SWAP70: variants seen among roughly 807,000 people sequenced by gnomAD.
The protein encoded by SWAP70 is switching B cell complex subunit SWAP70.
A neutral mutation model predicts 80.2 loss-of-function variants in SWAP70; 34 were observed. The observed-to-expected ratio is 0.42, with a 90% CI of 0.32 to 0.56. SWAP70 has a LOEUF of 0.56. SWAP70 is among the 20% of genes least tolerant of loss of function. The pLI is 0.09. For missense variants in SWAP70, 578 were observed against 690.7 expected, an observed-to-expected ratio of 0.84 and a Z score of 1.83; for synonymous variants, 239 against 238.5, an observed-to-expected ratio of 1.00 and a Z score of -0.02.
chr11:9,722,669 TG>T (rs942305860), intron 3 of SWAP70, among the ~76,000 whole-genome samples: 1 of 151,610 alleles, frequency 6.6e-6, no homozygotes, highest in African/African-American at 2.4e-5. Context: ...GGTCGAGAGG[TG>T]GGAAAAGGTA....
intron 9 of SWAP70, among the ~76,000 whole-genome samples, chr11:9,747,547 A>C (rs926869844): frequency 6.6e-6 from 1 of 152,224 alleles, no homozygotes; most frequent in Non-Finnish European, 1.5e-5. Context: ...CAGCACCTAA[A>C]TTTACTGTGA....
intron 4 of SWAP70, among the ~76,000 whole-genome samples, chr11:9,727,828 G>A (rs563804048): frequency 7.2e-5 from 11 of 152,288 alleles, no homozygotes; most frequent in Middle Eastern, 3.4e-3. Context: ...TTGGGGAGGG[G>A]TTGTCTCTGA....
chr11:9,704,600 T>C (rs1201565110), intron 2 of SWAP70, among the ~76,000 whole-genome samples: 1 of 151,686 alleles, frequency 6.6e-6, no homozygotes, highest in East Asian at 1.9e-4. Context: ...ACCATGTTGG[T>C]CAGGCTGGTC....
chr11:9,752,107 G>A lies in SWAP70; in HGVS notation c.*2137G>A, dbSNP rs1851598635. The stretch of plus-strand genomic sequence containing the variant: ...CTAATCACCTCTGTGAAATCTATGG[G>A]ATGGAAACAGTGTGGCCTTAGGAGT... On this transcript the variant is annotated 3_prime_UTR_variant, in exon 12 of 12. Transcript: ENST00000318950. The A allele has an allele frequency of 6.6e-6, 1 of 152,362 alleles. No individual in the cohort carries two copies. Among genetic ancestry groups the A allele is most frequent in the Middle Eastern group, 3.4e-3 (1 of 294 alleles). The allele number at this position is 152,362 out of a possible 1,614,324, so 9.4% of individuals were successfully genotyped here.
chr11:9,715,046 C>T (rs1565124571), intron 3 of SWAP70, among the ~76,000 whole-genome samples: 3 of 148,502 alleles, frequency 2.0e-5, no homozygotes, highest in South Asian at 4.3e-4. Context: ...GCAATCATGG[C>T]TCACTGCAGC....
chr11:9,690,261 T>C (rs1185565722), intron 1 of SWAP70, among the ~76,000 whole-genome samples: 1 of 152,212 alleles, frequency 6.6e-6, no homozygotes, highest in Non-Finnish European at 1.5e-5. Context: ...TCAAAAATTT[T>C]ATTTCTTGTA....
At chr11:9,741,079 G>C (rs1851431878) in intron 9 of SWAP70, 1 of 152,454 alleles carries the variant, frequency 6.6e-6, no homozygotes, top group Non-Finnish European at 1.5e-5. Context: ...TACAGTAGCA[G>C]CACAGGGTCC....
intron 1 of SWAP70, among the ~76,000 whole-genome samples, chr11:9,668,657 G>C (rs1220852008): frequency 1.3e-5 from 2 of 152,088 alleles, no homozygotes; most frequent in Non-Finnish European, 2.9e-5. Flanking sequence ...GTATTTTTAG[G>C]CTCTTAAGAG....
intron 1 of SWAP70, among the ~76,000 whole-genome samples, chr11:9,693,331 A>C (rs896534924): frequency 6.6e-6 from 1 of 152,210 alleles, no homozygotes; most frequent in Non-Finnish European, 1.5e-5. Flanking sequence ...GGTAGCCCAC[A>C]CTGCTCATTT....
At chr11:9,716,036 G>C (rs1851061993) in intron 3 of SWAP70, among the ~76,000 whole-genome samples, 1 of 152,184 alleles carries the variant, frequency 6.6e-6, no homozygotes, top group South Asian at 2.1e-4. Flanking sequence ...GATTTCCCCA[G>C]ACATAAGAAA....
chr11:9,720,323 C>T (rs1851118782), intron 3 of SWAP70: 1 of 985,254 alleles, frequency 1.0e-6, no homozygotes, highest in African/African-American at 1.7e-5. Flanking sequence ...CTTCATAAGG[C>T]TTGGGAGGGC....
intron 9 of SWAP70, among the ~76,000 whole-genome samples, chr11:9,742,883 CCT>C (rs1851459003): frequency 1.2e-5 from 1 of 82,030 alleles, no homozygotes; most frequent in Non-Finnish European, 2.4e-5. Context: ...TCTTCTCACT[CCT>C]TTTTTTTTTT....
intron 3 of SWAP70, among the ~76,000 whole-genome samples, chr11:9,718,080 G>C (rs1266730729): frequency 6.6e-6 from 1 of 152,192 alleles, no homozygotes; most frequent in Admixed American, 6.5e-5. Flanking sequence ...AAGGCTCCTG[G>C]CATGTTTTTC....
intron 2 of SWAP70, among the ~76,000 whole-genome samples, chr11:9,699,438 A>G (rs899571831): frequency 2.0e-5 from 3 of 151,992 alleles, no homozygotes; most frequent in African/African-American, 7.3e-5. Context: ...TTTGTGTTCT[A>G]TAGTTTTATT....
chr11:9,693,994 G>A, intron 1 of SWAP70, 152 bp from the exon 2 acceptor site: 1 of 895,774 alleles, frequency 1.1e-6, no homozygotes, highest in Middle Eastern at 3.7e-4. Flanking sequence ...GTTACAAGTA[G>A]GGGCTTGCAG....
rs758979780 is a variant in SWAP70 at position 9,729,345 on chromosome 11, C to T, written c.792C>T (p.Ser264=). ...ILLDENCCVE[S]LPDKDGKKCL... ...ACTAATTTTGCTTTCTGTTTTAGTC[C>T]TTGCCTGACAAAGATGGAAAGAAAT... Residue 264 remains serine, a splice_region_variant and synonymous_variant, in exon 6 of 12, where the codon TCC becomes TCT. Transcript: ENST00000318950. 1 of 1,609,506 alleles carries T rather than the reference C, an allele frequency of 6.2e-7. No homozygotes were observed.
At chr11:9,729,128 T>G (rs1851262749) in intron 5 of SWAP70, among the ~76,000 whole-genome samples, 1 of 152,132 alleles carries the variant, frequency 6.6e-6, no homozygotes, top group Non-Finnish European at 1.5e-5. Context: ...TCCTATCAGG[T>G]GTTTATAGTT....
intron 1 of SWAP70, among the ~76,000 whole-genome samples, chr11:9,679,374 G>A (rs1033583167): frequency 6.6e-6 from 1 of 152,196 alleles, no homozygotes; most frequent in Admixed American, 6.5e-5. Context: ...CTGGAAGGAT[G>A]GGGCATGTCA....
At chr11:9,670,635 G>T (rs1047256226) in intron 1 of SWAP70, among the ~76,000 whole-genome samples, 3 of 152,020 alleles carry the variant, frequency 2.0e-5, no homozygotes, top group African/African-American at 7.2e-5. Context: ...AAAAGCAGAG[G>T]ACCAGAAATC....
Sources: allele counts gnomAD v4.1 joint callset (sites outside exome capture counted in the v4.1 genomes callset), GRCh38; gene constraint gnomAD v4.1.1; transcripts MANE v1.5; gene names NCBI Gene and HGNC (gene_info 2026-07-23, HGNC 2026-07-21).